The following ZNF532 variants were observed in gnomAD, a reference collection of about 807,000 sequenced individuals.
ZNF532 encodes zinc finger protein 532.
ZNF532 carries 22 observed loss-of-function variants against 89.3 expected under a neutral mutation model. The observed-to-expected ratio is 0.25, with a 90% CI of 0.18 to 0.35. The LOEUF (loss-of-function observed/expected upper bound fraction) is 0.35. ZNF532 is among the 10% of genes least tolerant of loss of function. The pLI, the probability that ZNF532 is intolerant of heterozygous loss-of-function variation, is 1.00. For synonymous variants in ZNF532, 606 were observed against 649.6 expected (o/e 0.93, Z 1.02); for missense variants, 1,132 against 1,643.4 (o/e 0.69, Z 5.38).
At chr18:58,868,631 G>T (rs2056697500) in intron 2 of ZNF532, among the ~76,000 whole-genome samples, 1 of 152,204 alleles carries the variant, frequency 6.6e-6, no homozygotes, top group South Asian at 2.1e-4. Context: ...CTTTGTCATT[G>T]CTGAGTAGTA....
intron 5 of ZNF532, among the ~76,000 whole-genome samples, chr18:58,942,497 A>C (rs1322024749): frequency 6.6e-6 from 1 of 152,030 alleles, no homozygotes; most frequent in Non-Finnish European, 1.5e-5. Context: ...CTCCAAAGCC[A>C]GTGAAAGATA....
intron 2 of ZNF532, among the ~76,000 whole-genome samples, chr18:58,893,158 T>C (rs1174105652): frequency 6.6e-6 from 1 of 152,028 alleles, no homozygotes; most frequent in Non-Finnish European, 1.5e-5. Context: ...TTTGCATTTT[T>C]AGCAGAGGCG....
intron 2 of ZNF532, among the ~76,000 whole-genome samples, chr18:58,917,252 C>T (rs1389808079): frequency 2.0e-5 from 3 of 152,128 alleles, no homozygotes; most frequent in Non-Finnish European, 4.4e-5. Flanking sequence ...TGGGTCCAGC[C>T]CTGTTCTTCT....
chr18:58,880,515 T>C (rs1205503937), intron 2 of ZNF532, among the ~76,000 whole-genome samples: 1 of 152,196 alleles, frequency 6.6e-6, no homozygotes, highest in Admixed American at 6.5e-5. Flanking sequence ...ATGAGCTCTT[T>C]TGAGTGTGGA....
intron 7 of ZNF532, among the ~76,000 whole-genome samples, chr18:58,974,637 T>A (rs1262249368): frequency 6.6e-6 from 1 of 152,252 alleles, no homozygotes; most frequent in East Asian, 1.9e-4. Context: ...TACAGAATGC[T>A]GTGGAGTTGT....
At chr18:58,965,647 T>C (rs1239608395) in intron 7 of ZNF532, among the ~76,000 whole-genome samples, 1 of 152,222 alleles carries the variant, frequency 6.6e-6, no homozygotes, top group African/African-American at 2.4e-5. Context: ...TGTGTGTAGT[T>C]TTGGAAGACT....
chr18:58,938,956 A>C (rs2062709517), intron 4 of ZNF532, among the ~76,000 whole-genome samples: 1 of 152,346 alleles, frequency 6.6e-6, no homozygotes, highest in East Asian at 1.9e-4. Context: ...TCTTAAACAT[A>C]TAAAAATAGG....
chr18:58,967,508 T>A (rs2066036897), intron 7 of ZNF532, among the ~76,000 whole-genome samples: 1 of 152,190 alleles, frequency 6.6e-6, no homozygotes, highest in Non-Finnish European at 1.5e-5. Context: ...GTGAGCTAGT[T>A]ATCACCAGTA....
intron 3 of ZNF532, among the ~76,000 whole-genome samples, chr18:58,922,115 A>G (rs1049641297): frequency 9.2e-5 from 14 of 152,182 alleles, no homozygotes; most frequent in Non-Finnish European, 1.3e-4. Flanking sequence ...CTCCAAAAAA[A>G]AAAAGGAAAA....
chr18:58,910,357 G>C (rs1238367437), intron 2 of ZNF532, among the ~76,000 whole-genome samples: 4 of 152,122 alleles, frequency 2.6e-5, no homozygotes, highest in Non-Finnish European at 5.9e-5. Context: ...GTGTAGTCAT[G>C]TTATTCATTT....
upstream of ZNF532, chr18:58,863,518 C>A: frequency 1.4e-5 from 2 of 144,164 alleles, no homozygotes; most frequent in Non-Finnish European, 1.5e-5. Flanking sequence ...GCCGCCGCCG[C>A]CGCCGCCCGG....
intron 2 of ZNF532, among the ~76,000 whole-genome samples, chr18:58,868,261 C>T (rs1234978605): frequency 2.0e-5 from 3 of 152,220 alleles, no homozygotes; most frequent in Non-Finnish European, 4.4e-5. Context: ...TATGGAAACA[C>T]ACACCTTCGT....
At chr18:58,868,049 A>G (rs893508813) in intron 2 of ZNF532, among the ~76,000 whole-genome samples, 1 of 152,174 alleles carries the variant, frequency 6.6e-6, no homozygotes, top group Non-Finnish European at 1.5e-5. Flanking sequence ...CTTCTCTTGA[A>G]ATGTTCTCTT....
Position 58,939,640 on chromosome 18 carries a change from CAA to C in ZNF532, c.2705+20_2705+21del. 1.2e-6 allele frequency: 2 copies of C among 1,603,100 alleles called. No individual in the cohort carries two copies. The highest frequency in any genetic ancestry group is 1.7e-6 in the Non-Finnish European group (2 of 1,175,088). On this transcript the variant is annotated intron_variant, in intron 5 of 9. Transcript: ENST00000591808. ...AACCAAAGTAAGTCATACCGACTTTCAAGTTTTACTCCACTGCTTTATTAGCA... is the reference window on the plus strand; with the variant it reads ...AACCAAAGTAAGTCATACCGACTTTCGTTTTACTCCACTGCTTTATTAGCA...
chr18:58,903,952 C>T (rs2059759772), intron 2 of ZNF532, among the ~76,000 whole-genome samples: 1 of 152,204 alleles, frequency 6.6e-6, no homozygotes, highest in South Asian at 2.1e-4. Flanking sequence ...TTTCAGCATA[C>T]ATTGGGAACA....
intron 4 of ZNF532, among the ~76,000 whole-genome samples, chr18:58,938,131 A>G (rs1168340146): frequency 1.3e-5 from 2 of 152,244 alleles, no homozygotes; most frequent in Non-Finnish European, 2.9e-5. Context: ...GAATAGAAGC[A>G]TCTTAGATTG....
chr18:58,897,805 T>C (rs2059345469), intron 2 of ZNF532, among the ~76,000 whole-genome samples: 1 of 152,104 alleles, frequency 6.6e-6, no homozygotes, highest in Non-Finnish European at 1.5e-5. Context: ...ATATGAAAAT[T>C]AGCCAGGAGT....
intron 8 of ZNF532, 104 bp downstream of exon 8, chr18:58,979,271 A>G (rs918290545): frequency 3.4e-5 from 24 of 700,806 alleles, no homozygotes; most frequent in Middle Eastern, 2.5e-4. Flanking sequence ...CACAGTTCCT[A>G]CATTACATTT....
At chr18:58,972,226 AGT>A (rs2066541658) in intron 7 of ZNF532, among the ~76,000 whole-genome samples, 1 of 152,208 alleles carries the variant, frequency 6.6e-6, no homozygotes, top group Admixed American at 6.5e-5. Context: ...AACAACTGTC[AGT>A]GTGTGTAGAT....
Sources: gnomAD v4.1 joint callset for allele counts (sites outside exome capture counted in the v4.1 genomes callset) on GRCh38, gnomAD v4.1.1 for gene constraint, MANE v1.5 for transcripts, NCBI Gene and HGNC (gene_info 2026-07-23, HGNC 2026-07-21) for gene names.